Variants in TC2N observed in about 807,000 individuals in gnomAD.
TC2N encodes tandem C2 domains nuclear protein.
A neutral mutation model predicts 61.9 loss-of-function variants in TC2N; 51 were observed. That is an observed-to-expected ratio of 0.82 (90% confidence interval 0.66 to 1.04). TC2N has a LOEUF of 1.04. Among genes scored for constraint, TC2N ranks in the 50% least tolerant of loss-of-function variants. The probability of loss-of-function intolerance (pLI) is 0.00; values close to 1 mark genes in which losing one functional copy is unlikely to be tolerated. For synonymous variants in TC2N, 204 were observed against 192.6 expected, an observed-to-expected ratio of 1.06 and a Z score of -0.49; for missense variants, 556 against 566.7, an observed-to-expected ratio of 0.98 and a Z score of 0.19.
At chr14:91,841,976 CTTTTT>C (rs10682178) in intron 1 of TC2N, among the ~76,000 whole-genome samples, 1 of 125,774 alleles carries the variant, frequency 8.0e-6, no homozygotes, top group Non-Finnish European at 1.6e-5. Flanking sequence ...TCCCTTCCAC[CTTTTT>C]TTTTTTTTTT....
intron 1 of TC2N, among the ~76,000 whole-genome samples, chr14:91,832,674 A>T (rs1278133011): frequency 6.6e-6 from 1 of 152,226 alleles, no homozygotes; most frequent in Non-Finnish European, 1.5e-5. Flanking sequence ...CAGCCACTTT[A>T]TAAAACAATC....
intron 1 of TC2N, among the ~76,000 whole-genome samples, chr14:91,854,422 AG>A (rs1372805147): frequency 1.3e-5 from 1 of 75,348 alleles, no homozygotes; most frequent in African/African-American, 5.1e-5. Context: ...GAGGAGGGGG[AG>A]GGGGAGGGGA....
At chr14:91,844,051 A>AG (rs1888215942) in intron 1 of TC2N, among the ~76,000 whole-genome samples, 1 of 112,742 alleles carries the variant, frequency 8.9e-6, no homozygotes, top group African/African-American at 2.8e-5. Flanking sequence ...ACCAGAAGAA[A>AG]GGAAAAAAAA....
intron 1 of TC2N, among the ~76,000 whole-genome samples, chr14:91,821,839 A>C (rs1346336400): frequency 6.6e-6 from 1 of 152,140 alleles, no homozygotes; most frequent in Non-Finnish European, 1.5e-5. Context: ...AAAAATAGGC[A>C]AAAGATTTGA....
At chr14:91,803,975 G>A (rs1886384034) in intron 3 of TC2N, among the ~76,000 whole-genome samples, 1 of 152,058 alleles carries the variant, frequency 6.6e-6, no homozygotes. Flanking sequence ...GCCATAAAGG[G>A]CTCATATCCA....
At chr14:91,853,397 GCA>G (rs1566790373) in intron 1 of TC2N, among the ~76,000 whole-genome samples, 2 of 152,112 alleles carry the variant, frequency 1.3e-5, no homozygotes, top group African/African-American at 2.4e-5. Flanking sequence ...ATAATAATTG[GCA>G]CAGTCAGTCC....
Position 91,800,296 on chromosome 14 carries a change from A to C in TC2N, c.546T>G (p.Ser182=). The C allele has an allele frequency of 6.3e-7, 1 of 1,597,828 alleles. No individual in the cohort carries two copies. Among genetic ancestry groups the C allele is most frequent in the Middle Eastern group, 1.7e-4 (1 of 6,022 alleles). Residue 182 remains serine, a synonymous_variant, in exon 5 of 12, where the codon TCT becomes TCG. Coordinates refer to ENST00000435962, the MANE Select transcript of TC2N (RefSeq NM_001128596.3). ...SKSMFDLTNS[S]QRFIQRHDSL... ...GATAATTCACCTGGATGAATCGCTG[A>C]GATGAGTTTGTAAGATCAAACATAG...
At position 91,814,224 on chromosome 14, in the gene TC2N, GA is replaced by G. The variant is rs568493191; in HGVS notation, c.-56-400del. Among the ~76,000 whole-genome samples, 87 of 149,398 alleles carry G rather than the reference GA, an allele frequency of 5.8e-4. 1 individual carries two copies. Among genetic ancestry groups the G allele is most frequent in the African/African-American group, 2.0e-3 (81 of 40,910 alleles). On this transcript the variant is annotated intron_variant, in intron 1 of 11. Coordinates refer to ENST00000435962, the MANE Select transcript of TC2N (RefSeq NM_001128596.3). ...CATGGAAGAAATACAGAAAAACAAA[GA>G]AAAAAAGAGAGAAAGAAGAAAAAAG...
intron 1 of TC2N, among the ~76,000 whole-genome samples, chr14:91,866,011 G>A (rs1197170317): frequency 1.3e-5 from 2 of 152,188 alleles, no homozygotes. Context: ...TCCTGTTCAT[G>A]TCTCTGAATC....
intron 5 of TC2N, among the ~76,000 whole-genome samples, chr14:91,799,952 C>A (rs1236574641): frequency 6.6e-6 from 1 of 152,048 alleles, no homozygotes; most frequent in Non-Finnish European, 1.5e-5. Context: ...ATTTTTAAAA[C>A]TAGCTGGTTA....
At chr14:91,814,220 CAAAG>C (rs1886905990) in intron 1 of TC2N, among the ~76,000 whole-genome samples, 2 of 144,698 alleles carry the variant, frequency 1.4e-5, no homozygotes, top group African/African-American at 2.5e-5. Flanking sequence ...TACAGAAAAA[CAAAG>C]AAAAAAAGAG....
chr14:91,810,801 C>A (rs553646531), intron 3 of TC2N, among the ~76,000 whole-genome samples: 1 of 148,254 alleles, frequency 6.7e-6, no homozygotes, highest in Non-Finnish European at 1.5e-5. Flanking sequence ...AGATAACAGA[C>A]GAGACAGTGA....
At chr14:91,832,245 C>A (rs1337303934) in intron 1 of TC2N, among the ~76,000 whole-genome samples, 1 of 151,986 alleles carries the variant, frequency 6.6e-6, no homozygotes, top group Non-Finnish European at 1.5e-5. Flanking sequence ...AAAAAATTAG[C>A]CAGGCATGGC....
At chr14:91,843,984 T>C (rs1888214270) in intron 1 of TC2N, among the ~76,000 whole-genome samples, 1 of 152,226 alleles carries the variant, frequency 6.6e-6, no homozygotes, top group Non-Finnish European at 1.5e-5. Flanking sequence ...GGGATAGTTT[T>C]TGAGGAAATG....
chr14:91,803,748 G>A (rs60713809), intron 3 of TC2N, among the ~76,000 whole-genome samples: 13 of 152,204 alleles, frequency 8.5e-5, no homozygotes, highest in African/African-American at 3.1e-4. Flanking sequence ...GAACCACCAC[G>A]ACCAGCCTAA....
chr14:91,854,406 G>GAGGAGGAGGAGGGGGAGGGGGAGGGGA (rs1888437233), intron 1 of TC2N, among the ~76,000 whole-genome samples: 1 of 136,562 alleles, frequency 7.3e-6, no homozygotes, highest in Non-Finnish European at 1.6e-5. Context: ...TGAGGAGGAG[G>GAGGAGGAGGAGGGGGAGGGGGAGGGGA]AGGAGGAGGA....
rs1259226456 is a variant in TC2N at position 91,783,048 on chromosome 14, T to C, written c.*52A>G. ...TCTCATTGGTAGCAAATTGAAATCA[T>C]AAGTCTTCTAAAAGAATGTCAAGTT... On this transcript the variant is annotated 3_prime_UTR_variant, in exon 12 of 12. Transcript: ENST00000435962. The C allele has an allele frequency of 3.4e-6, 4 of 1,192,490 alleles. No individual in the cohort carries two copies. Among genetic ancestry groups the C allele is most frequent in the Admixed American group, 3.6e-5 (2 of 55,754 alleles). 73.9% of individuals were successfully genotyped at this position (1,192,490 alleles called of 1,614,324 possible).
intron 9 of TC2N, among the ~76,000 whole-genome samples, chr14:91,789,410 G>A (rs574725743): frequency 6.6e-6 from 1 of 151,080 alleles, no homozygotes; most frequent in East Asian, 1.9e-4. Flanking sequence ...TGGCTAACAC[G>A]GTGAAACCCT....
intron 10 of TC2N, among the ~76,000 whole-genome samples, chr14:91,786,372 C>A (rs1409042770): frequency 6.6e-6 from 1 of 152,136 alleles, no homozygotes; most frequent in African/African-American, 2.4e-5. Context: ...GTTTTAGTAT[C>A]AAGAATATGC....
Sources: allele counts gnomAD v4.1 joint callset (sites outside exome capture counted in the v4.1 genomes callset), GRCh38; gene constraint gnomAD v4.1.1; transcripts MANE v1.5; gene names NCBI Gene and HGNC (gene_info 2026-07-23, HGNC 2026-07-21).